The following EFCAB14 variants were observed in gnomAD, a reference collection of about 807,000 sequenced individuals.
EFCAB14 encodes EF-hand calcium-binding domain-containing protein 14.
Under a neutral mutation model 56.5 loss-of-function variants are expected in EFCAB14, and 43 were observed. The ratio of observed to expected loss-of-function variants is 0.76; its 90% confidence interval spans 0.60 to 0.98. The LOEUF is 0.98. Among genes scored for constraint, EFCAB14 ranks in the 50% least tolerant of loss-of-function variants. The pLI is 0.00. For synonymous variants in EFCAB14, 235 were observed against 212.9 expected (o/e 1.10, Z -0.90); for missense variants, 538 against 580.3 (o/e 0.93, Z 0.75).
At chr1:46,717,571 G>A (rs1326407731) in intron 1 of EFCAB14, among the ~76,000 whole-genome samples, 1 of 152,096 alleles carries the variant, frequency 6.6e-6, no homozygotes, top group African/African-American at 2.4e-5. Context: ...GTTCTACACT[G>A]TTTTAAAAAG....
At chr1:46,680,845 T>TA (rs1676781325) in intron 10 of EFCAB14, among the ~76,000 whole-genome samples, 1 of 152,224 alleles carries the variant, frequency 6.6e-6, no homozygotes, top group South Asian at 2.1e-4. Flanking sequence ...TACCAGTTGA[T>TA]CTGTATCTTT....
chr1:46,694,782 T>A (rs1677054144), intron 4 of EFCAB14, among the ~76,000 whole-genome samples: 1 of 152,196 alleles, frequency 6.6e-6, no homozygotes, highest in East Asian at 1.9e-4. Flanking sequence ...CGCACACTTA[T>A]GTTTATTGCG....
intron 2 of EFCAB14, among the ~76,000 whole-genome samples, chr1:46,713,209 AG>A (rs751367256): frequency 2.6e-5 from 4 of 152,124 alleles, no homozygotes; most frequent in Non-Finnish European, 5.9e-5. Flanking sequence ...ACCCTCCCTC[AG>A]GAAGTCCTGC....
At chr1:46,693,117 G>C (rs1031271721) in intron 4 of EFCAB14, among the ~76,000 whole-genome samples, 1 of 152,176 alleles carries the variant, frequency 6.6e-6, no homozygotes, top group African/African-American at 2.4e-5. Flanking sequence ...CCACTGAATA[G>C]GGATATGAGT....
intron 1 of EFCAB14, among the ~76,000 whole-genome samples, 178 bp downstream of exon 1, chr1:46,717,725 T>G (rs1677419493): frequency 6.6e-6 from 1 of 152,202 alleles, no homozygotes; most frequent in South Asian, 2.1e-4. Flanking sequence ...GATCTCTAAC[T>G]TATTCTTCAT....
chr1:46,711,373 AC>A (rs1677305985), intron 2 of EFCAB14, among the ~76,000 whole-genome samples: 1 of 152,254 alleles, frequency 6.6e-6, no homozygotes, highest in South Asian at 2.1e-4. Context: ...TGCAGTCTAT[AC>A]GCATGAACTA....
chr1:46,697,077 C>A (rs1305510145), intron 3 of EFCAB14, among the ~76,000 whole-genome samples: 1 of 152,164 alleles, frequency 6.6e-6, no homozygotes, highest in Non-Finnish European at 1.5e-5. Flanking sequence ...TTTGTTCCTG[C>A]CCAAGTGGGA....
intron 9 of EFCAB14, 80 bp from the exon 10 acceptor site, chr1:46,683,505 G>A (rs955846407): frequency 8.6e-6 from 12 of 1,402,918 alleles, no homozygotes; most frequent in Non-Finnish European, 1.2e-5. Context: ...TCACCTTTTA[G>A]GAAAATTGGA....
intron 9 of EFCAB14, among the ~76,000 whole-genome samples, 189 bp from the exon 10 acceptor site, chr1:46,683,614 C>T (rs1042003624): frequency 6.6e-6 from 1 of 152,156 alleles, no homozygotes; most frequent in Non-Finnish European, 1.5e-5. Flanking sequence ...CAAGGGAACA[C>T]CAATCAGTAT....
intron 2 of EFCAB14, among the ~76,000 whole-genome samples, chr1:46,714,371 T>C (rs1677354485): frequency 6.6e-6 from 1 of 151,002 alleles, no homozygotes; most frequent in South Asian, 2.1e-4. Context: ...AAGTTGAAAC[T>C]GGTTCCTTTG....
intron 3 of EFCAB14, among the ~76,000 whole-genome samples, chr1:46,698,771 A>C (rs1348906955): frequency 1.3e-5 from 2 of 152,202 alleles, no homozygotes; most frequent in Non-Finnish European, 1.5e-5. Flanking sequence ...GTTGTGCAGT[A>C]AAGTGCCAGA....
chr1:46,714,373 G>C (rs1408515390), intron 2 of EFCAB14, among the ~76,000 whole-genome samples: 2 of 150,652 alleles, frequency 1.3e-5, no homozygotes, highest in South Asian at 2.1e-4. Flanking sequence ...GTTGAAACTG[G>C]TTCCTTTGCT....
rs1407269287 is a variant in EFCAB14 at position 46,718,067 on chromosome 1, G to T, written c.21C>A (p.Leu7=). 2.5e-6 allele frequency: 4 copies of T among 1,613,992 alleles called. No individual in the cohort carries two copies. The Admixed American group carries it at 5.0e-5, about 20-fold the overall frequency. ...CCCCAGCCAAACCAATCAATGCATT[G>T]AGCTCTTTGCGCTTTTTCATCTTTT... MKKRKE[L]NALIGLAGDS... The change falls in exon 1 of 11, where the codon CTC becomes CTA. Residue 7 remains leucine, a synonymous_variant. Coordinates refer to ENST00000371933, the MANE Select transcript of EFCAB14 (RefSeq NM_014774.3).
In EFCAB14 at chr1:46,675,534, G is replaced by A; in HGVS notation, c.*2927C>T. On this transcript the variant is annotated 3_prime_UTR_variant, in exon 11 of 11. Coordinates refer to ENST00000371933, the MANE Select transcript of EFCAB14 (RefSeq NM_014774.3). ...CAACTCAACAGGCCATTATGAGTAT[G>A]AGCCCATCACAGCCAAAATCCTCAA... 1 of 152,640 alleles carries A rather than the reference G, an allele frequency of 6.6e-6. No individual in the cohort carries two copies. The highest frequency in any genetic ancestry group is 1.9e-4 in the East Asian group (1 of 5,202). 9.5% of individuals were successfully genotyped at this position (152,640 alleles called of 1,614,324 possible).
intron 3 of EFCAB14, among the ~76,000 whole-genome samples, chr1:46,706,970 T>C (rs1384381575): frequency 6.6e-6 from 1 of 152,220 alleles, no homozygotes; most frequent in Non-Finnish European, 1.5e-5. Flanking sequence ...TGGAAGTCAC[T>C]GCCCCACACT....
intron 3 of EFCAB14, among the ~76,000 whole-genome samples, chr1:46,702,987 G>C (rs531049937): frequency 1.3e-5 from 2 of 152,262 alleles, no homozygotes; most frequent in Middle Eastern, 3.4e-3. Context: ...TGCACATATA[G>C]TCAATTCTCA....
chr1:46,701,045 A>G (rs547899448), intron 3 of EFCAB14, among the ~76,000 whole-genome samples: 1 of 150,394 alleles, frequency 6.6e-6, no homozygotes, highest in South Asian at 2.1e-4. Flanking sequence ...TGGGAATTGA[A>G]GGAAAATTTT....
At chr1:46,701,321 C>G (rs1022931396) in intron 3 of EFCAB14, among the ~76,000 whole-genome samples, 2 of 152,100 alleles carry the variant, frequency 1.3e-5, no homozygotes, top group African/African-American at 4.8e-5. Flanking sequence ...TTCCTTAGTG[C>G]CCCAAAGTAT....
chr1:46,686,686 G>A, intron 8 of EFCAB14, 98 bp downstream of exon 8: 2 of 1,204,646 alleles, frequency 1.7e-6, no homozygotes, highest in East Asian at 5.0e-5. Context: ...CAGCACATGA[G>A]AACAAAAGTA....
Sources: gnomAD v4.1 joint callset for allele counts (sites outside exome capture counted in the v4.1 genomes callset) on GRCh38, gnomAD v4.1.1 for gene constraint, MANE v1.5 for transcripts, NCBI Gene and HGNC (gene_info 2026-07-23, HGNC 2026-07-21) for gene names.